Variants in PTPRG observed in about 807,000 individuals in gnomAD.
PTPRG encodes the protein protein tyrosine phosphatase receptor type G.
In PTPRG, 102 loss-of-function variants were observed where a neutral mutation model predicts 165.3. The ratio of observed to expected loss-of-function variants is 0.62; its 90% CI spans 0.53 to 0.73. The LOEUF (loss-of-function observed/expected upper bound fraction) is 0.73. Among genes scored for constraint, PTPRG ranks in the 30% least tolerant of loss-of-function variants. The pLI, the probability that PTPRG is intolerant of heterozygous loss-of-function variation, is 0.00. For missense variants in PTPRG, 1,866 were observed against 1,861.4 expected (o/e 1.00, Z -0.05); for synonymous variants, 675 against 669.5 (o/e 1.01, Z -0.13).
intron 5 of PTPRG, among the ~76,000 whole-genome samples, chr3:62,086,573 G>A (rs1036242833): frequency 4.6e-5 from 7 of 151,966 alleles, no homozygotes; most frequent in South Asian, 2.1e-4. Context: ...TTTGAATATC[G>A]TCCTTCTGGC....
intron 2 of PTPRG, among the ~76,000 whole-genome samples, chr3:61,937,831 T>C (rs1375438883): frequency 1.3e-5 from 2 of 152,178 alleles, no homozygotes; most frequent in Non-Finnish European, 2.9e-5. Context: ...GTCTTAAAAT[T>C]ATCTATTAAG....
chr3:61,706,489 T>G (rs1349390598), intron 1 of PTPRG, among the ~76,000 whole-genome samples: 1 of 149,802 alleles, frequency 6.7e-6, no homozygotes, highest in Non-Finnish European at 1.5e-5. Context: ...AATGTGCAAG[T>G]AATTTTTTTT....
intron 8 of PTPRG, among the ~76,000 whole-genome samples, chr3:62,172,804 C>A (rs1705268722): frequency 6.6e-6 from 1 of 152,192 alleles, no homozygotes. Context: ...GCAAAGCCTG[C>A]CTGATTGGTA....
chr3:61,629,934 C>T (rs1444588521), intron 1 of PTPRG, among the ~76,000 whole-genome samples: 3 of 152,088 alleles, frequency 2.0e-5, no homozygotes, highest in East Asian at 1.9e-4. Context: ...AAATGAAGTC[C>T]GATATTAAAA....
chr3:61,693,399 C>G (rs1004740516), intron 1 of PTPRG, among the ~76,000 whole-genome samples: 1 of 152,174 alleles, frequency 6.6e-6, no homozygotes, highest in Admixed American at 6.5e-5. Flanking sequence ...ATTCTGAACT[C>G]TCATGGTTAA....
intron 4 of PTPRG, among the ~76,000 whole-genome samples, chr3:62,042,161 G>A (rs143171922): frequency 1.3e-5 from 2 of 152,226 alleles, no homozygotes; most frequent in South Asian, 2.1e-4. Context: ...TAGGATTTGG[G>A]GCAAGCTCAG....
In PTPRG at chr3:61,767,239, T is replaced by TGAA. The variant is rs1371380259; in HGVS notation, c.190+18257_190+18258insGAA. 4.4e-4 allele frequency among the ~76,000 whole-genome samples: 32 copies of TGAA among 73,080 alleles called. 1 individual carries two copies. Among genetic ancestry groups the TGAA allele is most frequent in the Non-Finnish European group, 6.0e-4 (23 of 38,196 alleles). 47.9% of individuals were successfully genotyped at this position (73,080 alleles called of 152,430 possible). ...AGCCTTGTGACAGCAAGATTCCATC[T>TGAA]CAAAAAAAAAAAAAAAAAGAAAGTA... On this transcript the variant is annotated intron_variant, in intron 2 of 29. Transcript: ENST00000474889.
chr3:61,755,610 C>T (rs1004244898), intron 2 of PTPRG, among the ~76,000 whole-genome samples: 24 of 152,156 alleles, frequency 1.6e-4, no homozygotes, highest in Non-Finnish European at 4.4e-5. Context: ...AGAAGCTGCC[C>T]ATAAAATTGC....
chr3:61,981,462 T>C (rs750293681), intron 2 of PTPRG, among the ~76,000 whole-genome samples: 1 of 152,240 alleles, frequency 6.6e-6, no homozygotes, highest in Non-Finnish European at 1.5e-5. Flanking sequence ...GTGCTGTTTC[T>C]GAAGCTGGGT....
chr3:61,997,435 T>A (rs2041066132), intron 3 of PTPRG, among the ~76,000 whole-genome samples: 1 of 152,148 alleles, frequency 6.6e-6, no homozygotes. Context: ...CCCATCCTGC[T>A]CTCTGGGTAC....
intron 1 of PTPRG, among the ~76,000 whole-genome samples, chr3:61,676,905 C>A (rs969106232): frequency 9.2e-5 from 14 of 152,074 alleles, no homozygotes; most frequent in Non-Finnish European, 2.1e-4. Flanking sequence ...TATTATCTGT[C>A]CTGTGAGCCT....
intron 3 of PTPRG, among the ~76,000 whole-genome samples, chr3:61,999,139 G>A (rs1427566647): frequency 1.3e-5 from 2 of 152,006 alleles, no homozygotes; most frequent in Admixed American, 6.6e-5. Flanking sequence ...TCCGCCTCCT[G>A]GGTTCAAGTG....
intron 8 of PTPRG, among the ~76,000 whole-genome samples, chr3:62,180,122 A>G (rs1705589767): frequency 6.6e-6 from 1 of 152,224 alleles, no homozygotes; most frequent in South Asian, 2.1e-4. Context: ...CATTTGCATC[A>G]TAATAATCTA....
At chr3:61,910,179 C>T (rs2038764381) in intron 2 of PTPRG, among the ~76,000 whole-genome samples, 1 of 152,206 alleles carries the variant, frequency 6.6e-6, no homozygotes, top group Non-Finnish European at 1.5e-5. Context: ...CTTTTGAATG[C>T]TGTGTCCTAT....
At chr3:61,992,814 GC>G (rs1417711595) in intron 3 of PTPRG, among the ~76,000 whole-genome samples, 1 of 151,692 alleles carries the variant, frequency 6.6e-6, no homozygotes, top group Non-Finnish European at 1.5e-5. Flanking sequence ...GAGCCACCGT[GC>G]CCGGCCATGC....
chr3:61,650,787 G>C (rs545920873), intron 1 of PTPRG, among the ~76,000 whole-genome samples: 2 of 152,080 alleles, frequency 1.3e-5, no homozygotes, highest in African/African-American at 4.8e-5. Flanking sequence ...TTTAACTCTC[G>C]ATTTGCAAAA....
chr3:61,891,295 CA>C (rs1201479793), intron 2 of PTPRG, among the ~76,000 whole-genome samples: 2 of 151,342 alleles, frequency 1.3e-5, no homozygotes, highest in Non-Finnish European at 2.9e-5. Flanking sequence ...ACTCCATCTC[CA>C]AAAAAAATAA....
At chr3:62,260,905 C>T (rs558124738) in intron 16 of PTPRG, 35 of 152,146 alleles carry the variant, frequency 2.3e-4, no homozygotes, top group Admixed American at 1.8e-3. Context: ...TTTTTTGTTT[C>T]TGTCATTCAT....
At chr3:61,695,332 G>T (rs1575594460) in intron 1 of PTPRG, among the ~76,000 whole-genome samples, 2 of 152,010 alleles carry the variant, frequency 1.3e-5, no homozygotes, top group African/African-American at 2.4e-5. Context: ...TTATTGCAAG[G>T]TCCTCCATTT....
Sources: allele counts gnomAD v4.1 joint callset (sites outside exome capture counted in the v4.1 genomes callset), GRCh38; gene constraint gnomAD v4.1.1; transcripts MANE v1.5; gene names NCBI Gene and HGNC (gene_info 2026-07-23, HGNC 2026-07-21).